CYP20A1: variants seen among roughly 807,000 people sequenced by gnomAD.
The protein encoded by CYP20A1 is cytochrome P450 family 20 subfamily A member 1.
CYP20A1 carries 61 observed loss-of-function variants against 61.4 expected under a neutral mutation model. The observed-to-expected ratio is 0.99, with a 90% CI of 0.81 to 1.23. CYP20A1 has a LOEUF of 1.23. CYP20A1 is among the 50% of genes most tolerant of loss of function. CYP20A1 has a pLI of 0.00. For missense variants in CYP20A1, 530 were observed against 542.4 expected, an observed-to-expected ratio of 0.98 and a Z score of 0.23; for synonymous variants, 193 against 188.2, an observed-to-expected ratio of 1.03 and a Z score of -0.21.
chr2:203,252,278 G>T (rs1353524413), intron 4 of CYP20A1, among the ~76,000 whole-genome samples, 169 bp downstream of exon 4: 1 of 151,940 alleles, frequency 6.6e-6, no homozygotes, highest in Non-Finnish European at 1.5e-5. Flanking sequence ...ACACACAAAA[G>T]AAAAGAAAAC....
rs1316917570 is a variant in CYP20A1 at position 203,300,946 on chromosome 2, C to G, written c.*4038C>G. Among the ~76,000 whole-genome samples the G allele has an allele frequency of 6.7e-6, 1 of 149,330 alleles. No individual in the cohort carries two copies. The highest frequency in any genetic ancestry group is 2.5e-5 in the African/African-American group (1 of 40,364). On this transcript the variant is annotated 3_prime_UTR_variant, in exon 13 of 13. Transcript: ENST00000356079. ...GCGAGGTGGCTCACACCTGTAATCC[C>G]AGCACTTTGGGAGGCTGAGGCGGGC... is the stretch of plus-strand genomic sequence containing the variant.
intron 6 of CYP20A1, 50 bp from the exon 7 acceptor site, chr2:203,278,523 A>G (rs371726610): frequency 5.1e-6 from 4 of 780,250 alleles, no homozygotes; most frequent in African/African-American, 3.6e-5. Flanking sequence ...TTTAAAGTTC[A>G]GTCTCCACTA....
intron 8 of CYP20A1, among the ~76,000 whole-genome samples, chr2:203,285,362 C>A (rs770376301): frequency 6.6e-6 from 1 of 151,930 alleles, no homozygotes; most frequent in African/African-American, 2.4e-5. Flanking sequence ...CAGTTACTTA[C>A]CAGTTTTAAG....
chr2:203,260,118 G>C (rs923253438), intron 4 of CYP20A1, among the ~76,000 whole-genome samples: 1 of 151,892 alleles, frequency 6.6e-6, no homozygotes, highest in Non-Finnish European at 1.5e-5. Flanking sequence ...GTAGAGACAG[G>C]GTTTCACCAT....
chr2:203,272,120 A>C (rs1010503874), intron 5 of CYP20A1, among the ~76,000 whole-genome samples: 1 of 152,120 alleles, frequency 6.6e-6, no homozygotes, highest in Non-Finnish European at 1.5e-5. Context: ...TTCACTTTCC[A>C]TTTCTTATTA....
intron 11 of CYP20A1, 81 bp downstream of exon 11, chr2:203,292,407 A>G: frequency 1.0e-6 from 1 of 954,794 alleles, no homozygotes; most frequent in Non-Finnish European, 1.7e-6. Flanking sequence ...ACTGTTGAGT[A>G]GAAAACTCAA....
Position 203,304,327 on chromosome 2 carries a change from A to G in CYP20A1, c.*7419A>G, listed in dbSNP as rs889871849. Among the ~76,000 whole-genome samples, 2 of 152,134 alleles carry G rather than the reference A, an allele frequency of 1.3e-5. No individual in the cohort carries two copies. Among genetic ancestry groups the G allele is most frequent in the Non-Finnish European group, 2.9e-5 (2 of 68,008 alleles). On this transcript the variant is annotated 3_prime_UTR_variant, in exon 13 of 13. Transcript: ENST00000356079. The stretch of plus-strand genomic sequence containing the variant: ...ATTCTCCTGCCTCAGCCTCCCGAGT[A>G]GCTGCGACTACAGGCGAGTGCCTCC...
chr2:203,241,768 G>A (rs2066262661), intron 1 of CYP20A1, among the ~76,000 whole-genome samples: 1 of 152,210 alleles, frequency 6.6e-6, no homozygotes, highest in Admixed American at 6.5e-5. Flanking sequence ...GGCCCCAGGC[G>A]ATCCTCGCAC....
intron 4 of CYP20A1, among the ~76,000 whole-genome samples, chr2:203,260,563 G>T (rs1004857361): frequency 4.6e-5 from 7 of 152,108 alleles, no homozygotes. Context: ...TTGTCACCCA[G>T]ACTGGAGTGC....
intron 1 of CYP20A1, 116 bp from the exon 2 acceptor site, chr2:203,245,730 C>A (rs2066438796): frequency 1.9e-6 from 1 of 532,254 alleles, no homozygotes; most frequent in Non-Finnish European, 3.3e-6. Context: ...GAAATAATTT[C>A]TTAGATTCAG....
In CYP20A1 at chr2:203,278,601, G is replaced by A. The variant is rs1559101495; in HGVS notation, c.708G>A (p.Arg236=). Residue 236 remains arginine (R), a synonymous_variant, in exon 7 of 13, where the codon AGG becomes AGA. Coordinates refer to ENST00000356079, the MANE Select transcript of CYP20A1 (RefSeq NM_177538.3). ...DALMQLESVL[R]NIIKERKGRN... ...TCATGCAACTGGAGTCTGTTTTAAGGAACATCATAAAAGAACGAAAAGGAA... is the reference window on the plus strand; with the variant it reads ...TCATGCAACTGGAGTCTGTTTTAAGAAACATCATAAAAGAACGAAAAGGAA... 6.2e-7 allele frequency: 1 copy of A among 1,600,690 alleles called. No homozygotes were observed. Among genetic ancestry groups the A allele is most frequent in the East Asian group, 2.2e-5 (1 of 44,496 alleles).
rs559294640 is a variant in CYP20A1, at chr2:203,251,533, G to C, written c.290-434G>C. On this transcript the variant is annotated intron_variant, in intron 3 of 12. Transcript: ENST00000356079. The stretch of plus-strand genomic sequence containing the variant: ...GCCTGTAATCTCAGCACTTTGGGAG[G>C]CTGAGGCAGGCGGATCACTTGGGAT... Among the ~76,000 whole-genome samples, 132 of 151,604 alleles carry C rather than the reference G, an allele frequency of 8.7e-4. 1 individual carries two copies. Among genetic ancestry groups the C allele is most frequent in the Middle Eastern group, 6.8e-3 (2 of 292 alleles).
chr2:203,254,933 G>A (rs368077256), intron 4 of CYP20A1, among the ~76,000 whole-genome samples: 15 of 151,962 alleles, frequency 9.9e-5, no homozygotes, highest in East Asian at 3.9e-4. Context: ...GGAGGTTGCA[G>A]TGAGCCAAGA....
In CYP20A1 at chr2:203,297,729, G is replaced by C. The variant is rs1356611555; in HGVS notation, c.*821G>C. ...GCGGTGGCTCACCCCTGTAATCCCA[G>C]TACTTTGGGAGGCTGAGGCGGGTGG... On this transcript the variant is annotated 3_prime_UTR_variant, in exon 13 of 13. Transcript: ENST00000356079. The C allele has an allele frequency of 1.3e-5, 2 of 151,900 alleles. No individual in the cohort carries two copies. Among genetic ancestry groups the C allele is most frequent in the East Asian group, 3.9e-4 (2 of 5,166 alleles). 9.4% of individuals were successfully genotyped at this position (151,900 alleles called of 1,614,324 possible).
chr2:203,278,755 C>A, intron 7 of CYP20A1, 67 bp downstream of exon 7: 1 of 810,138 alleles, frequency 1.2e-6, no homozygotes, highest in Non-Finnish European at 1.9e-6. Context: ...TGGCTCATGA[C>A]TGTAGTCCCA....
intron 1 of CYP20A1, 58 bp downstream of exon 1, chr2:203,239,192 G>T: frequency 6.9e-7 from 1 of 1,449,002 alleles, no homozygotes; most frequent in Non-Finnish European, 9.6e-7. Flanking sequence ...CTCTGTCGCC[G>T]GCATCCAGGC....
chr2:203,268,777 A>G (rs2067439280), intron 5 of CYP20A1, among the ~76,000 whole-genome samples: 1 of 152,056 alleles, frequency 6.6e-6, no homozygotes, highest in Admixed American at 6.6e-5. Context: ...AATAATGTAC[A>G]TTGTACCCAT....
At chr2:203,279,243 G>T (rs1430887336) in intron 7 of CYP20A1, among the ~76,000 whole-genome samples, 1 of 152,172 alleles carries the variant, frequency 6.6e-6, no homozygotes, top group Non-Finnish European at 1.5e-5. Context: ...TGGGATTACA[G>T]GTGTGAGCCA....
chr2:203,245,842 T>C lies in CYP20A1; in HGVS notation c.73-4T>C, dbSNP rs1559083815. On this transcript the variant is annotated splice_region_variant and splice_polypyrimidine_tract_variant and intron_variant, in intron 1 of 12. Coordinates refer to ENST00000356079, the MANE Select transcript of CYP20A1 (RefSeq NM_177538.3). ...TTCATTATTATAAACTTTTTTTTTG[T>C]AAGGCTTCCAGACAAGCTGCAGGAA... 6.3e-7 allele frequency: 1 copy of C among 1,591,528 alleles called. No individual in the cohort carries two copies. Among genetic ancestry groups the C allele is most frequent in the Admixed American group, 1.7e-5 (1 of 58,866 alleles).
Sources: gnomAD v4.1 joint callset for allele counts (sites outside exome capture counted in the v4.1 genomes callset) on GRCh38, gnomAD v4.1.1 for gene constraint, MANE v1.5 for transcripts, NCBI Gene and HGNC (gene_info 2026-07-23, HGNC 2026-07-21) for gene names.